The following ARB2A variants were observed in gnomAD, a reference collection of about 807,000 sequenced individuals.
ARB2A encodes the protein ARB2 cotranscriptional regulator A.
the ARB2A span, among the ~76,000 whole-genome samples, chr5:94,054,105 AAGAC>A: frequency 6.6e-6 from 1 of 152,170 alleles, no homozygotes; most frequent in Admixed American, 6.5e-5. Flanking sequence ...GAAAAGTTGA[AAGAC>A]AGTACGAAGA....
chr5:93,950,955 A>AT, the ARB2A span, among the ~76,000 whole-genome samples: 2 of 146,160 alleles, frequency 1.4e-5, no homozygotes, highest in Non-Finnish European at 3.1e-5. Context: ...AAAAAAAAAA[A>AT]AAATAAAATA....
At chr5:93,827,094 C>T in the ARB2A span, among the ~76,000 whole-genome samples, 6 of 151,984 alleles carry the variant, frequency 3.9e-5, no homozygotes, top group African/African-American at 1.2e-4. Flanking sequence ...GATTTATAAT[C>T]CTTTGGGTAT....
At chr5:93,878,717 T>G in the ARB2A span, among the ~76,000 whole-genome samples, 1 of 152,052 alleles carries the variant, frequency 6.6e-6, no homozygotes, top group Admixed American at 6.6e-5. Context: ...AAATAATAGC[T>G]GATCAAAAAT....
the ARB2A span, chr5:93,866,357 T>C: frequency 2.2e-6 from 2 of 907,350 alleles, no homozygotes; most frequent in Non-Finnish European, 2.6e-6. Flanking sequence ...AGGAACAGTG[T>C]TTTCAACTAA....
the ARB2A span, chr5:93,683,718 C>G: frequency 1.2e-6 from 2 of 1,610,712 alleles, no homozygotes; most frequent in African/African-American, 2.7e-5. Flanking sequence ...AATCTTCCAT[C>G]GGGTGGCGGC....
the ARB2A span, among the ~76,000 whole-genome samples, chr5:93,915,569 A>AG: frequency 6.6e-6 from 1 of 152,024 alleles, no homozygotes; most frequent in Non-Finnish European, 1.5e-5. Flanking sequence ...AAAACTTAAA[A>AG]GAAGTTGTCA....
chr5:93,878,673 A>T, the ARB2A span, among the ~76,000 whole-genome samples: 1 of 152,134 alleles, frequency 6.6e-6, no homozygotes, highest in African/African-American at 2.4e-5. Flanking sequence ...ATACATATAA[A>T]TTGTTTATAA....
chr5:93,700,029 A>G, the ARB2A span, among the ~76,000 whole-genome samples: 15 of 152,108 alleles, frequency 9.9e-5, no homozygotes, highest in African/African-American at 3.6e-4. Context: ...AGTAACACAA[A>G]TTCCAGGTGA....
the ARB2A span, among the ~76,000 whole-genome samples, chr5:93,771,471 A>C: frequency 6.6e-6 from 1 of 151,248 alleles, no homozygotes; most frequent in Non-Finnish European, 1.5e-5. Flanking sequence ...TAATTAAACT[A>C]AAGAGCTTCT....
At chr5:93,960,089 C>A in the ARB2A span, among the ~76,000 whole-genome samples, 6 of 143,282 alleles carry the variant, frequency 4.2e-5, no homozygotes, top group South Asian at 2.2e-4. Flanking sequence ...ATGCCCCCCC[C>A]CCCCCCAAAA....
chr5:93,983,173 GTGTGTGTGTGTGTGTGT>G, the ARB2A span, among the ~76,000 whole-genome samples: 9 of 704 alleles, frequency 0.013, no homozygotes, highest in South Asian at 0.22. Context: ...GTGGAGAGGT[GTGTGTGTGTGTGTGTGT>G]GTGTGTGTGT....
the ARB2A span, among the ~76,000 whole-genome samples, chr5:93,874,014 G>A: frequency 6.6e-6 from 1 of 152,150 alleles, no homozygotes; most frequent in Non-Finnish European, 1.5e-5. Context: ...AATATATCTG[G>A]AAGTCCATTA....
chr5:93,734,722 C>T, the ARB2A span: 2 of 152,082 alleles, frequency 1.3e-5, no homozygotes, highest in African/African-American at 4.8e-5. Context: ...TTGACATCTG[C>T]CTTTACTAAT....
At chr5:94,014,285 C>T in the ARB2A span, among the ~76,000 whole-genome samples, 2 of 152,194 alleles carry the variant, frequency 1.3e-5, no homozygotes, top group Non-Finnish European at 2.9e-5. Flanking sequence ...TGAGGCCTCC[C>T]CCATTTGGGA....
the ARB2A span, among the ~76,000 whole-genome samples, chr5:93,797,328 T>G: frequency 6.6e-6 from 1 of 152,162 alleles, no homozygotes. Context: ...ATTCCATCAG[T>G]TGAGTCAATG....
chr5:93,726,178 T>C, the ARB2A span, among the ~76,000 whole-genome samples: 3 of 152,122 alleles, frequency 2.0e-5, no homozygotes, highest in Non-Finnish European at 2.9e-5. Flanking sequence ...TGAGATCTAA[T>C]TGTGGCCTGT....
chr5:93,876,028 A>G, the ARB2A span, among the ~76,000 whole-genome samples: 2 of 152,234 alleles, frequency 1.3e-5, no homozygotes, highest in Non-Finnish European at 2.9e-5. Context: ...TTTAAAAAAT[A>G]ATCTGTTGCC....
the ARB2A span, among the ~76,000 whole-genome samples, chr5:93,678,937 GAAT>G: frequency 6.6e-6 from 1 of 152,130 alleles, no homozygotes; most frequent in African/African-American, 2.4e-5. Flanking sequence ...ATACACAGAT[GAAT>G]TACCATCGGC....
chr5:93,744,434 CAAAAAAAAAAAAAAAAAA>C, the ARB2A span, among the ~76,000 whole-genome samples: 2 of 14,534 alleles, frequency 1.4e-4, no homozygotes, highest in Admixed American at 1.0e-3. Context: ...GACTCAGTCT[CAAAAAAAAAAAAAAAAAA>C]AAAAAAAAAA....
Sources: gnomAD v4.1 joint callset for allele counts (sites outside exome capture counted in the v4.1 genomes callset) on GRCh38, gnomAD v4.1.1 for gene constraint, MANE v1.5 for transcripts, NCBI Gene and HGNC (gene_info 2026-07-23, HGNC 2026-07-21) for gene names.